Variants in BCKDHB observed in about 807,000 individuals in gnomAD.
BCKDHB encodes 2-oxoisovalerate dehydrogenase subunit beta, mitochondrial.
BCKDHB carries 41 observed loss-of-function variants against 48.5 expected under a neutral mutation model. The observed-to-expected ratio is 0.85, with a 90% CI of 0.66 to 1.10. The LOEUF (loss-of-function observed/expected upper bound fraction) is 1.10, where lower values mean the gene tolerates loss of function less well. BCKDHB is among the 50% of genes least tolerant of loss of function. BCKDHB has a pLI of 0.00. For missense variants in BCKDHB, 496 were observed against 494.2 expected (o/e 1.00, Z -0.03); for synonymous variants, 201 against 174.8 (o/e 1.15, Z -1.18).
chr6:80,440,363 A>G, the BCKDHB span, among the ~76,000 whole-genome samples: 1 of 152,226 alleles, frequency 6.6e-6, no homozygotes, highest in East Asian at 1.9e-4. Flanking sequence ...CCTTAAGCAC[A>G]GTCATAAATA....
At chr6:80,347,163 A>G (rs546746838), downstream of BCKDHB, among the ~76,000 whole-genome samples, 344 of 152,236 alleles carry the variant, frequency 2.3e-3, no homozygotes, top group Non-Finnish European at 3.4e-3. Flanking sequence ...AAGTAAAGGC[A>G]CTTGATCACA....
chr6:80,458,821 T>C, the BCKDHB span, among the ~76,000 whole-genome samples: 1 of 152,082 alleles, frequency 6.6e-6, no homozygotes, highest in Non-Finnish European at 1.5e-5. Context: ...TGTAGTTCAC[T>C]GTGAGAAAAA....
the BCKDHB span, among the ~76,000 whole-genome samples, chr6:80,415,712 G>A: frequency 1.3e-5 from 2 of 152,228 alleles, no homozygotes; most frequent in East Asian, 3.9e-4. Flanking sequence ...TGTTCATTAA[G>A]GGTATTGGCC....
In BCKDHB at chr6:80,203,113, C is replaced by A. The variant is rs768607044; in HGVS notation, c.852C>A (p.Ile284=). 4 of 1,611,140 alleles carry A rather than the reference C, an allele frequency of 2.5e-6. No homozygotes were observed. The highest frequency in any genetic ancestry group is 3.4e-6 in the Non-Finnish European group (4 of 1,177,792). Residue 284 remains isoleucine (I), a synonymous_variant, in exon 8 of 10, where the codon ATC becomes ATA. Transcript: ENST00000320393. Reference sequence around the variant, plus strand: ...TCTCTTTATTTCAGGTTCATGTGATCCGAGAGGTAGCTTCCATGGCAAAAG... The same window carrying A: ...TCTCTTTATTTCAGGTTCATGTGATACGAGAGGTAGCTTCCATGGCAAAAG... ...LVAWGTQVHV[I]REVASMAKEK... is the part of the protein sequence containing the mutation.
the BCKDHB span, among the ~76,000 whole-genome samples, chr6:80,405,983 C>T: frequency 3.3e-5 from 5 of 152,142 alleles, no homozygotes; most frequent in South Asian, 4.1e-4. Context: ...TCCAGGCCCC[C>T]GCCCCCACCA....
the BCKDHB span, among the ~76,000 whole-genome samples, chr6:80,410,779 A>AT: frequency 2.6e-5 from 4 of 152,164 alleles, no homozygotes; most frequent in Non-Finnish European, 5.9e-5. Flanking sequence ...TCTTGCTGTG[A>AT]TTTTCAGCTC....
intron 6 of BCKDHB, among the ~76,000 whole-genome samples, chr6:80,175,104 C>G (rs889345877): frequency 1.3e-5 from 2 of 152,142 alleles, no homozygotes; most frequent in Non-Finnish European, 2.9e-5. Context: ...GGCCTCTTCT[C>G]TCTGGTTACT....
At chr6:80,120,925 G>A (rs989128702) in intron 1 of BCKDHB, among the ~76,000 whole-genome samples, 3 of 152,174 alleles carry the variant, frequency 2.0e-5, no homozygotes, top group African/African-American at 7.2e-5. Flanking sequence ...TTTTAGTCAT[G>A]AAGTCCTTGC....
chr6:80,150,550 C>G lies in BCKDHB; in HGVS notation c.344-17128C>G, dbSNP rs1198039421. On this transcript the variant is annotated intron_variant, in intron 3 of 9. Transcript: ENST00000320393. ...AAGTATAGTCAATCAAGTTTGTCATCTTTTTTTTTTTTTTTTTTTTTTGTG... is the reference window on the plus strand; with the variant it reads ...AAGTATAGTCAATCAAGTTTGTCATGTTTTTTTTTTTTTTTTTTTTTTGTG... 1.4e-4 allele frequency among the ~76,000 whole-genome samples: 15 copies of G among 105,476 alleles called. No homozygotes were observed. The South Asian group carries it at 4.9e-3, about 35-fold the overall frequency. The allele number at this position is 105,476 out of a possible 152,430, so 69.2% of individuals were successfully genotyped here. A position where few individuals can be genotyped will look rare whatever the true frequency, so the allele number is the denominator to read the frequency against.
intron 8 of BCKDHB, among the ~76,000 whole-genome samples, chr6:80,261,646 A>T (rs1461871807): frequency 6.6e-6 from 1 of 152,020 alleles, no homozygotes. Flanking sequence ...GTTTTAGCTT[A>T]CTTATGAGAC....
the BCKDHB span, among the ~76,000 whole-genome samples, chr6:80,456,578 T>C: frequency 2.0e-5 from 3 of 152,182 alleles, no homozygotes; most frequent in Non-Finnish European, 2.9e-5. Flanking sequence ...CCTTCAAGAT[T>C]CAAAGTAAAG....
At chr6:80,136,428 G>A (rs1190678994) in intron 3 of BCKDHB, among the ~76,000 whole-genome samples, 1 of 152,008 alleles carries the variant, frequency 6.6e-6, no homozygotes, top group African/African-American at 2.4e-5. Flanking sequence ...GAATGAATTT[G>A]GACCTTTATT....
chr6:80,303,460 T>C (rs1767688126), intron 9 of BCKDHB, among the ~76,000 whole-genome samples: 1 of 152,080 alleles, frequency 6.6e-6, no homozygotes, highest in Admixed American at 6.6e-5. Context: ...CCTGATCTCC[T>C]TTCAACTTCT....
the BCKDHB span, among the ~76,000 whole-genome samples, chr6:80,413,608 T>A: frequency 1.3e-5 from 2 of 152,198 alleles, no homozygotes; most frequent in Non-Finnish European, 2.9e-5. Context: ...ACTACATTCA[T>A]GTTTCTGCAA....
intron 9 of BCKDHB, among the ~76,000 whole-genome samples, chr6:80,339,050 C>T (rs1366756740): frequency 6.6e-6 from 1 of 151,920 alleles, no homozygotes; most frequent in African/African-American, 2.4e-5. Context: ...ATGTGTAATG[C>T]CTGAGACAGA....
the BCKDHB span, among the ~76,000 whole-genome samples, chr6:80,370,810 A>G: frequency 2.0e-4 from 21 of 106,790 alleles, 1 homozygote; most frequent in East Asian, 2.7e-3. Context: ...GTGTGTGTGT[A>G]TATATATATG....
At chr6:80,320,870 G>T (rs1768681202) in intron 9 of BCKDHB, among the ~76,000 whole-genome samples, 1 of 152,112 alleles carries the variant, frequency 6.6e-6, no homozygotes, top group South Asian at 2.1e-4. Flanking sequence ...GTAAATGAAA[G>T]TATAATGCCT....
chr6:80,396,167 C>A, the BCKDHB span, among the ~76,000 whole-genome samples: 1 of 152,114 alleles, frequency 6.6e-6, no homozygotes, highest in Non-Finnish European at 1.5e-5. Flanking sequence ...GAGAAGAGGG[C>A]CATCATCCCT....
intron 9 of BCKDHB, among the ~76,000 whole-genome samples, chr6:80,295,573 C>A (rs115325551): frequency 1.4e-5 from 2 of 146,886 alleles, no homozygotes; most frequent in African/African-American, 5.1e-5. Context: ...ACAGCCAAAT[C>A]GTATTACTTG....
Sources: gnomAD v4.1 joint callset for allele counts (sites outside exome capture counted in the v4.1 genomes callset) on GRCh38, gnomAD v4.1.1 for gene constraint, MANE v1.5 for transcripts, NCBI Gene and HGNC (gene_info 2026-07-23, HGNC 2026-07-21) for gene names.